ITGB3BP: variants seen among roughly 807,000 people sequenced by gnomAD.
The protein encoded by ITGB3BP is centromere protein R.
Under a neutral mutation model 29.1 loss-of-function variants are expected in ITGB3BP, and 27 were observed. That is an observed-to-expected ratio of 0.93 (90% CI 0.68 to 1.28). ITGB3BP has a LOEUF of 1.28. Among genes scored for constraint, ITGB3BP ranks in the 50% most tolerant of loss-of-function variants. The pLI, the probability that ITGB3BP is intolerant of heterozygous loss-of-function variation, is 0.00. For missense variants in ITGB3BP, 192 were observed against 200.2 expected (o/e 0.96, Z 0.25); for synonymous variants, 61 against 61.4 (o/e 0.99, Z 0.03).
chr1:63,496,746 CA>C (rs1215680705), intron 2 of ITGB3BP, among the ~76,000 whole-genome samples: 3 of 152,168 alleles, frequency 2.0e-5, no homozygotes, highest in Admixed American at 1.3e-4. Context: ...AAAGCTCCTC[CA>C]GCTTGATAAT....
chr1:63,448,207 A>T (rs1644814020), intron 7 of ITGB3BP, among the ~76,000 whole-genome samples: 1 of 144,786 alleles, frequency 6.9e-6, no homozygotes, highest in Non-Finnish European at 1.5e-5. Flanking sequence ...GAGGGATAGC[A>T]TTAGGAGATA....
rs545991524 is a variant in ITGB3BP at position 63,463,090 on chromosome 1, C to T, written c.255-8122G>A. Among the ~76,000 whole-genome samples the T allele has an allele frequency of 5.9e-5, 9 of 151,852 alleles. No individual in the cohort carries two copies. In the South Asian group the frequency reaches 6.2e-4, roughly 11 times the overall value. ...CCAACATGGTGAAACCCCGTCTCTACTAAAAACTAGCCAGGCATGGTGGTG... is the reference window on the plus strand; with the variant it reads ...CCAACATGGTGAAACCCCGTCTCTATTAAAAACTAGCCAGGCATGGTGGTG... On this transcript the variant is annotated intron_variant, in intron 4 of 8. Coordinates refer to ENST00000271002, the MANE Select transcript of ITGB3BP (RefSeq NM_014288.5).
At position 63,454,371 on chromosome 1, in the gene ITGB3BP, A is replaced by G. The variant is rs1644903065; in HGVS notation, c.427+9T>C. On this transcript the variant is annotated intron_variant, in intron 6 of 8. Coordinates refer to ENST00000271002, the MANE Select transcript of ITGB3BP (RefSeq NM_014288.5). The surrounding 1 kb of genome is among the most constrained non-coding windows in gnomAD (Gnocchi z 4.1). The stretch of plus-strand genomic sequence containing the variant: ...AAATTACTGTCATTGAAAACTCAAA[A>G]ATTCTTACTTAGTTCTTTGGTTTTC... 3 of 1,461,210 alleles carry G rather than the reference A, an allele frequency of 2.1e-6. No individual in the cohort carries two copies. The South Asian group carries it at 3.6e-5, about 17-fold the overall frequency. 90.5% of individuals were successfully genotyped at this position (1,461,210 alleles called of 1,614,324 possible). A position where few individuals can be genotyped will look rare whatever the true frequency, so the allele number is the denominator to read the frequency against.
chr1:63,485,950 T>C lies in ITGB3BP; in HGVS notation c.184+4133A>G, dbSNP rs544599968. Among the ~76,000 whole-genome samples, 3 of 152,166 alleles carry C rather than the reference T, an allele frequency of 2.0e-5. No homozygotes were observed. In the South Asian group the frequency reaches 6.2e-4, roughly 32 times the overall value. On this transcript the variant is annotated intron_variant, in intron 3 of 8. Coordinates refer to ENST00000271002, the MANE Select transcript of ITGB3BP (RefSeq NM_014288.5). ...CCAGACTTAGCATGCTACTCTAATT[T>C]GCAAATTCTTATCTTTCCTTAATTA...
intron 7 of ITGB3BP, among the ~76,000 whole-genome samples, chr1:63,448,294 C>T (rs1644816045): frequency 6.7e-6 from 1 of 148,942 alleles, no homozygotes; most frequent in South Asian, 2.2e-4. Flanking sequence ...CTAACCTGCA[C>T]ATTGTGCACA....
At chr1:63,493,611 T>G (rs562031700) in intron 2 of ITGB3BP, among the ~76,000 whole-genome samples, 2 of 152,086 alleles carry the variant, frequency 1.3e-5, no homozygotes, top group African/African-American at 4.8e-5. Flanking sequence ...AAACTAAAAT[T>G]TGGGCATCGA....
At chr1:63,457,595 G>C (rs1644953463) in intron 4 of ITGB3BP, 1 of 152,014 alleles carries the variant, frequency 6.6e-6, no homozygotes, top group Non-Finnish European at 1.5e-5. Context: ...AGTTCATTAT[G>C]GTACAAAATT....
At chr1:63,463,116 G>A (rs1645043171) in intron 4 of ITGB3BP, among the ~76,000 whole-genome samples, 1 of 151,898 alleles carries the variant, frequency 6.6e-6, no homozygotes. Flanking sequence ...CATGGTGGTG[G>A]CGTGCACCTA....
chr1:63,491,007 CAAT>C (rs570525873), intron 2 of ITGB3BP, among the ~76,000 whole-genome samples: 55 of 3,462 alleles, frequency 0.016, no homozygotes, highest in Admixed American at 0.097. Context: ...TTCATACATC[CAAT>C]TATTATTCAC....
In ITGB3BP at chr1:63,498,605, G is replaced by GC. The variant is rs1241488907; in HGVS notation, c.49-8388_49-8387insG. Among the ~76,000 whole-genome samples, 15 of 150,842 alleles carry GC rather than the reference G, an allele frequency of 9.9e-5. No individual in the cohort carries two copies. In the East Asian group the frequency reaches 2.9e-3, roughly 29 times the overall value. Reference sequence around the variant, plus strand: ...AGCTGCAAATAACTATGTTAAAAGAGACAGCTCTCATATCAATAACCTAAG... The same window carrying GC: ...AGCTGCAAATAACTATGTTAAAAGAGCACAGCTCTCATATCAATAACCTAAG... On this transcript the variant is annotated intron_variant, in intron 2 of 8. Transcript: ENST00000271002.
intron 4 of ITGB3BP, chr1:63,457,067 CTCT>C (rs1290072128): frequency 2.6e-5 from 4 of 152,036 alleles, no homozygotes; most frequent in African/African-American, 9.7e-5. Flanking sequence ...CATGCCATTG[CTCT>C]TCTTATTACT....
chr1:63,486,133 CTAT>C (rs1263146650), intron 3 of ITGB3BP, among the ~76,000 whole-genome samples: 3 of 152,062 alleles, frequency 2.0e-5, no homozygotes, highest in Middle Eastern at 3.4e-3. Flanking sequence ...TCTCTCTGTA[CTAT>C]TATATTGTTA....
At chr1:63,488,484 G>A (rs988737412) in intron 3 of ITGB3BP, among the ~76,000 whole-genome samples, 7 of 151,858 alleles carry the variant, frequency 4.6e-5, no homozygotes, top group African/African-American at 1.2e-4. Flanking sequence ...TTAAAAGTGG[G>A]AGTTGTTAAG....
At chr1:63,487,895 C>T (rs538650430) in intron 3 of ITGB3BP, among the ~76,000 whole-genome samples, 159 of 152,174 alleles carry the variant, frequency 1.0e-3, no homozygotes, top group African/African-American at 3.3e-3. Flanking sequence ...TGACGGCTAC[C>T]GGGCAACTAA....
intron 2 of ITGB3BP, 70 bp downstream of exon 2, chr1:63,508,458 G>T: frequency 1.5e-6 from 1 of 673,550 alleles, no homozygotes; most frequent in South Asian, 2.0e-5. Context: ...AATATTTAAC[G>T]AGATAAATCA....
chr1:63,490,105 C>T lies in ITGB3BP; in HGVS notation c.162G>A (p.Lys54=), dbSNP rs747084212. 4 of 1,610,970 alleles carry T rather than the reference C, an allele frequency of 2.5e-6. No individual in the cohort carries two copies. Among genetic ancestry groups the T allele is most frequent in the Non-Finnish European group, 3.4e-6 (4 of 1,178,590 alleles). Reference sequence around the variant, plus strand: ...AACCATTTGATAGTCCATTTCTGTGCTTTTGCTCTTCAGAACTTGTGGGAG... The same window carrying T: ...AACCATTTGATAGTCCATTTCTGTGTTTTTGCTCTTCAGAACTTGTGGGAG... ...FASPTSSEEQ[K]HRNGLSNEKR... Residue 54 remains lysine, a synonymous_variant, in exon 3 of 9, where the codon AAG becomes AAA. Transcript: ENST00000271002.
chr1:63,486,449 T>C (rs1645532753), intron 3 of ITGB3BP, among the ~76,000 whole-genome samples: 1 of 152,058 alleles, frequency 6.6e-6, no homozygotes, highest in African/African-American at 2.4e-5. Flanking sequence ...AGTCAATTAA[T>C]ACATATTTCG....
chr1:63,508,142 TA>T (rs2100771913), intron 2 of ITGB3BP, among the ~76,000 whole-genome samples: 1 of 152,330 alleles, frequency 6.6e-6, no homozygotes, highest in East Asian at 1.9e-4. Context: ...AAAATGCTAC[TA>T]ATGTTTTCAT....
chr1:63,498,615 A>G lies in ITGB3BP; in HGVS notation c.49-8397T>C, dbSNP rs188543001. The stretch of plus-strand genomic sequence containing the variant: ...AACTATGTTAAAAGAGACAGCTCTC[A>G]TATCAATAACCTAAGCTTCTACTTT... On this transcript the variant is annotated intron_variant, in intron 2 of 8. Transcript: ENST00000271002. Among the ~76,000 whole-genome samples the G allele has an allele frequency of 4.6e-5, 7 of 152,034 alleles. No homozygotes were observed. The East Asian group carries it at 1.4e-3, about 29-fold the overall frequency.
Sources: gnomAD v4.1 joint callset for allele counts (sites outside exome capture counted in the v4.1 genomes callset) on GRCh38, gnomAD v4.1.1 for gene constraint, Gnocchi (gnomAD v3.1) non-coding constraint, MANE v1.5 for transcripts, NCBI Gene and HGNC (gene_info 2026-07-23, HGNC 2026-07-21) for gene names.